The following FRMPD4 variants were observed in gnomAD, a reference collection of about 807,000 sequenced individuals.
FRMPD4 encodes the protein FERM and PDZ domain containing 4, also known as FERM and PDZ domain-containing protein 4.
Under a neutral mutation model 94.1 loss-of-function variants are expected in FRMPD4, and 22 were observed. The observed-to-expected ratio is 0.23, with a 90% CI of 0.17 to 0.33. The LOEUF (loss-of-function observed/expected upper bound fraction) is 0.33, where lower values mean the gene tolerates loss of function less well. Among genes scored for constraint, FRMPD4 ranks in the 10% least tolerant of loss-of-function variants. FRMPD4 has a pLI of 1.00. For missense variants in FRMPD4, 1,111 were observed against 1,339.9 expected (o/e 0.83, Z 2.67); for synonymous variants, 631 against 548.6 (o/e 1.15, Z -2.10).
rs750050137 is a variant in FRMPD4 at position 12,722,297 on chromosome X, T to G, written c.*439T>G. 1.8e-5 allele frequency: 2 copies of G among 112,263 alleles called. No individual in the cohort carries two copies. The highest frequency in any genetic ancestry group is 5.5e-4 in the East Asian group (2 of 3,627). The allele number at this position is 112,263 out of a possible 1,213,427, so 9.3% of individuals were successfully genotyped here. ...CACAATGTATATAAAACAGTACTTA[T>G]GTTTTAAAATTATGATTTTTAAGCA... is the stretch of plus-strand genomic sequence containing the variant. On this transcript the variant is annotated 3_prime_UTR_variant, in exon 17 of 17. Transcript: ENST00000675598.
intron 1 of FRMPD4, among the ~76,000 whole-genome samples, chrX:12,354,983 T>G (rs964093286): frequency 1.8e-5 from 2 of 111,983 alleles, no homozygotes; most frequent in African/African-American, 6.5e-5. Flanking sequence ...CTAAGTTTGG[T>G]TTTTCCTTGA....
At chrX:12,457,925 G>C (rs1377182172) in intron 1 of FRMPD4, among the ~76,000 whole-genome samples, 1 of 111,725 alleles carries the variant, frequency 9.0e-6, no homozygotes, top group Non-Finnish European at 1.9e-5. Context: ...CCTTATCAAG[G>C]TTGGTTCCTG....
chrX:12,261,821 A>G (rs1157082416), intron 1 of FRMPD4, among the ~76,000 whole-genome samples: 1 of 112,137 alleles, frequency 8.9e-6, no homozygotes, highest in East Asian at 2.8e-4. Flanking sequence ...CAAAGTTTTC[A>G]TTTTGCATAT....
chrX:12,472,604 A>G (rs1282850804), intron 1 of FRMPD4, among the ~76,000 whole-genome samples: 5 of 111,910 alleles, frequency 4.5e-5, no homozygotes, highest in Non-Finnish European at 7.5e-5. Context: ...TAACCAATGT[A>G]GAGAAGTCCT....
rs1395830392 is a variant in FRMPD4, at chrX:12,386,446, T to TTTGA, written c.42-112232_42-112229dup. On this transcript the variant is annotated intron_variant, in intron 1 of 16. Transcript: ENST00000675598. The stretch of plus-strand genomic sequence containing the variant: ...CTAATTTTTGTGGTTCAGCCTTGAA[T>TTTGA]TTGATAGATGAGATCCTCAAAGCAT... 3.6e-5 allele frequency among the ~76,000 whole-genome samples: 4 copies of TTTGA among 112,155 alleles called. No homozygotes were observed. In the East Asian group the frequency reaches 1.1e-3, roughly 31 times the overall value.
intron 1 of FRMPD4, among the ~76,000 whole-genome samples, chrX:12,139,556 G>A (rs1182229110): frequency 1.2e-4 from 13 of 107,989 alleles, no homozygotes; most frequent in Non-Finnish European, 1.9e-4. Flanking sequence ...TTTTTTGGGG[G>A]GGGGGTAACT....
chrX:12,294,887 T>C (rs1252181050), intron 1 of FRMPD4, among the ~76,000 whole-genome samples: 1 of 112,212 alleles, frequency 8.9e-6, no homozygotes, highest in Non-Finnish European at 1.9e-5. Context: ...AGCATAAATT[T>C]GCCTCCCAAG....
chrX:12,025,627 T>C (rs1385995049), intron 3 of FRMPD4, among the ~76,000 whole-genome samples: 2 of 112,042 alleles, frequency 1.8e-5, no homozygotes, highest in Non-Finnish European at 3.8e-5. Context: ...TCCATCTTGT[T>C]TGCATTCTCT....
chrX:12,660,475 C>T (rs758264975), intron 4 of FRMPD4, among the ~76,000 whole-genome samples: 2 of 111,905 alleles, frequency 1.8e-5, no homozygotes, highest in East Asian at 2.8e-4. Context: ...CTTCAACATA[C>T]GTTTGTATAA....
intron 3 of FRMPD4, among the ~76,000 whole-genome samples, chrX:12,119,211 G>T (rs1464023994): frequency 9.0e-6 from 1 of 111,395 alleles, no homozygotes; most frequent in Non-Finnish European, 1.9e-5. Context: ...AGATCCAAAA[G>T]CTTCTACCAT....
At chrX:12,054,666 A>C (rs1183021717) in intron 3 of FRMPD4, among the ~76,000 whole-genome samples, 2 of 112,135 alleles carry the variant, frequency 1.8e-5, no homozygotes, top group Non-Finnish European at 3.8e-5. Context: ...AAAACTGGTC[A>C]GGAAATATTT....
chrX:12,179,465 A>AT (rs2056332998), intron 1 of FRMPD4, among the ~76,000 whole-genome samples: 1 of 112,027 alleles, frequency 8.9e-6, no homozygotes, highest in African/African-American at 3.2e-5. Flanking sequence ...CAAGAGAGTA[A>AT]TTTGGATGAT....
chrX:11,995,483 G>A (rs954990983), intron 3 of FRMPD4, among the ~76,000 whole-genome samples: 1 of 111,366 alleles, frequency 9.0e-6, no homozygotes, highest in African/African-American at 3.3e-5. Flanking sequence ...GCTGTAAATA[G>A]AGTTTAATCT....
At chrX:12,594,877 AGTG>A (rs2059016669) in intron 2 of FRMPD4, among the ~76,000 whole-genome samples, 1 of 112,079 alleles carries the variant, frequency 8.9e-6, no homozygotes, top group Non-Finnish European at 1.9e-5. Flanking sequence ...GTAATGGTTC[AGTG>A]GGGACTCCCT....
chrX:12,673,856 C>G (rs912558781), intron 4 of FRMPD4, among the ~76,000 whole-genome samples: 1 of 111,940 alleles, frequency 8.9e-6, no homozygotes, highest in Non-Finnish European at 1.9e-5. Flanking sequence ...ACTACATGGT[C>G]CAGCCCAGCC....
chrX:12,720,359 A>C (rs2042215563), intron 16 of FRMPD4, among the ~76,000 whole-genome samples, 175 bp from the exon 17 acceptor site: 1 of 111,609 alleles, frequency 9.0e-6, no homozygotes, highest in Admixed American at 9.5e-5. Flanking sequence ...TTAAAATGGA[A>C]ATTTGTTATG....
At chrX:12,155,581 CAAAAAAAAAAAAA>C (rs60727413) in intron 1 of FRMPD4, among the ~76,000 whole-genome samples, 26 of 21,914 alleles carry the variant, frequency 1.2e-3, no homozygotes, top group African/African-American at 3.3e-3. Context: ...CATATCCTCA[CAAAAAAAAAAAAA>C]AAAAAAAAAA....
chrX:12,447,311 G>A (rs777791760), intron 1 of FRMPD4, among the ~76,000 whole-genome samples: 4 of 110,987 alleles, frequency 3.6e-5, no homozygotes, highest in African/African-American at 1.0e-4. Flanking sequence ...AATGCTAGAC[G>A]TCATAAGCAC....
At chrX:12,411,871 G>T (rs1271924200) in intron 1 of FRMPD4, among the ~76,000 whole-genome samples, 2 of 111,589 alleles carry the variant, frequency 1.8e-5, no homozygotes, top group African/African-American at 6.5e-5. Flanking sequence ...AAGGCCAAGG[G>T]TCTACAACTC....
Sources: allele counts gnomAD v4.1 joint callset (sites outside exome capture counted in the v4.1 genomes callset), GRCh38; gene constraint gnomAD v4.1.1; transcripts MANE v1.5; gene names NCBI Gene and HGNC (gene_info 2026-07-23, HGNC 2026-07-21).